Variants in ROR2 observed in about 807,000 individuals in gnomAD.
ROR2 encodes the protein tyrosine-protein kinase transmembrane receptor ROR2.
In ROR2, 33 loss-of-function variants were observed where a neutral mutation model predicts 74.9. The ratio of observed to expected loss-of-function variants is 0.44; its 90% CI spans 0.33 to 0.59. The LOEUF is 0.59. ROR2 is among the 20% of genes least tolerant of loss of function. ROR2 has a pLI of 0.02. For missense variants in ROR2, 1,216 were observed against 1,313.8 expected, an observed-to-expected ratio of 0.93 and a Z score of 1.15; for synonymous variants, 586 against 558.7, an observed-to-expected ratio of 1.05 and a Z score of -0.69.
At chr9:91,920,306 G>C (rs1391932087) in intron 1 of ROR2, among the ~76,000 whole-genome samples, 1 of 152,164 alleles carries the variant, frequency 6.6e-6, no homozygotes, top group African/African-American at 2.4e-5. Context: ...AGGAGTTAAT[G>C]ATCAGCCCTG....
intron 1 of ROR2, among the ~76,000 whole-genome samples, chr9:91,781,059 G>A (rs540758998): frequency 1.3e-5 from 2 of 152,174 alleles, no homozygotes; most frequent in Non-Finnish European, 2.9e-5. Flanking sequence ...TGCTTACTGT[G>A]ATGCAATTAG....
At chr9:91,787,002 C>A (rs779711980) in intron 1 of ROR2, among the ~76,000 whole-genome samples, 2 of 152,126 alleles carry the variant, frequency 1.3e-5, no homozygotes, top group Non-Finnish European at 2.9e-5. Context: ...CTCTGGGTGA[C>A]AATGAGACCC....
chr9:91,811,690 G>T (rs1002663189), intron 1 of ROR2, among the ~76,000 whole-genome samples: 1 of 152,202 alleles, frequency 6.6e-6, no homozygotes, highest in Non-Finnish European at 1.5e-5. Context: ...CGACAGCCAG[G>T]GGCAGCCCCA....
At chr9:91,768,684 C>T (rs943845654) in intron 2 of ROR2, among the ~76,000 whole-genome samples, 9 of 152,322 alleles carry the variant, frequency 5.9e-5, no homozygotes, top group Non-Finnish European at 1.2e-4. Context: ...AGGGAAGGTT[C>T]GGAGGCAGAA....
intron 4 of ROR2, among the ~76,000 whole-genome samples, chr9:91,748,784 G>A (rs1192971913): frequency 6.6e-6 from 1 of 152,218 alleles, no homozygotes; most frequent in Non-Finnish European, 1.5e-5. Flanking sequence ...TGCAATCCCA[G>A]CATTTTGGGA....
chr9:91,799,962 G>A (rs2119050518), intron 1 of ROR2, among the ~76,000 whole-genome samples: 1 of 152,340 alleles, frequency 6.6e-6, no homozygotes, highest in South Asian at 2.1e-4. Context: ...GGAGACACAT[G>A]GGGCAGCACA....
chr9:91,816,212 C>G (rs1827927695), intron 1 of ROR2, among the ~76,000 whole-genome samples: 1 of 152,204 alleles, frequency 6.6e-6, no homozygotes, highest in South Asian at 2.1e-4. Flanking sequence ...CTCGGGCTCA[C>G]TGCTGTGGCC....
chr9:91,755,928 C>G (rs1475756121), intron 4 of ROR2, 143 bp downstream of exon 4: 1 of 805,454 alleles, frequency 1.2e-6, no homozygotes, highest in East Asian at 2.5e-5. Flanking sequence ...CCTAAGCAAG[C>G]ACGTGGCCAC....
rs190673222 is a variant in ROR2, at chr9:91,808,506, C to T, written c.98-32688G>A. Among the ~76,000 whole-genome samples the T allele has an allele frequency of 3.3e-5, 5 of 151,356 alleles. No individual in the cohort carries two copies. In the East Asian group the frequency reaches 7.9e-4, roughly 24 times the overall value. ...TAGCTGGGTGTGGTGGCACATGCCA[C>T]CCAGCTACTGGGGAGGCTGAGGCAG... On this transcript the variant is annotated intron_variant, in intron 1 of 8. Transcript: ENST00000375708.
chr9:91,898,449 A>G (rs1830593136), intron 1 of ROR2, among the ~76,000 whole-genome samples: 1 of 152,178 alleles, frequency 6.6e-6, no homozygotes, highest in South Asian at 2.1e-4. Context: ...ATCTGCCCAA[A>G]AAACACACTG....
intron 1 of ROR2, among the ~76,000 whole-genome samples, chr9:91,922,182 C>A (rs1831286897): frequency 4.6e-5 from 7 of 151,968 alleles, no homozygotes; most frequent in Admixed American, 4.6e-4. Context: ...GAAATTAAAA[C>A]CCTGGAATAC....
In ROR2 at chr9:91,724,610, G is replaced by T; in HGVS notation, c.1884C>A (p.Asn628Lys). The change falls in exon 9 of 9, where the codon AAC becomes AAA. Residue 628 changes from asparagine (N) to lysine (K), a missense_variant. Asn to Lys is a moderately conservative substitution (Grantham distance 94, BLOSUM62 0). Transcript: ENST00000375708. ...TRNVLVYDKL[N>K]VKISDLGLFR... ...AGAGGCCCAAGTCTGAGATCTTCAC[G>T]TTCAGCTTGTCGTACACTAGCACAT... 1 of 1,614,194 alleles carries T rather than the reference G, an allele frequency of 6.2e-7. No individual in the cohort carries two copies.
chr9:91,874,566 A>T (rs991753628), intron 1 of ROR2, among the ~76,000 whole-genome samples: 1 of 152,234 alleles, frequency 6.6e-6, no homozygotes, highest in East Asian at 1.9e-4. Flanking sequence ...ATCTGACCTC[A>T]GCCTGCTTCA....
At chr9:91,838,340 G>C (rs959326372) in intron 1 of ROR2, among the ~76,000 whole-genome samples, 2 of 152,148 alleles carry the variant, frequency 1.3e-5, no homozygotes. Flanking sequence ...TGGGACCAGG[G>C]CCAAGTGCGC....
intron 2 of ROR2, among the ~76,000 whole-genome samples, chr9:91,769,856 G>C (rs920592893): frequency 1.3e-5 from 2 of 152,200 alleles, no homozygotes; most frequent in African/African-American, 4.8e-5. Context: ...GAGGGGCAGA[G>C]ACCACGCCGC....
chr9:91,739,513 T>TAAAAAAA (rs71362359), intron 4 of ROR2, among the ~76,000 whole-genome samples: 4 of 105,604 alleles, frequency 3.8e-5, no homozygotes, highest in Non-Finnish European at 5.7e-5. Flanking sequence ...TCTTTAAATT[T>TAAAAAAA]AAAAAAAAAA....
At chr9:91,744,902 G>A (rs1825359922) in intron 4 of ROR2, among the ~76,000 whole-genome samples, 1 of 152,150 alleles carries the variant, frequency 6.6e-6, no homozygotes. Context: ...TTGGAAGGTT[G>A]CTGTATCCTT....
chr9:91,834,139 C>A (rs1368608380), intron 1 of ROR2, among the ~76,000 whole-genome samples: 1 of 152,196 alleles, frequency 6.6e-6, no homozygotes, highest in African/African-American at 2.4e-5. Flanking sequence ...GTCAGTAAAT[C>A]TATCTTGTTA....
chr9:91,909,842 G>GTTTTTTTTCTTTTTTTTTTTTTTTTTT (rs1232142986), intron 1 of ROR2, among the ~76,000 whole-genome samples: 1 of 55,978 alleles, frequency 1.8e-5, no homozygotes, highest in Non-Finnish European at 3.2e-5. Context: ...TTTTAGGTTT[G>GTTTTTTTTCTTTTTTTTTTTTTTTTTT]TTTTGTTTTT....
Sources: allele counts gnomAD v4.1 joint callset (sites outside exome capture counted in the v4.1 genomes callset), GRCh38; gene constraint gnomAD v4.1.1; transcripts MANE v1.5; gene names NCBI Gene and HGNC (gene_info 2026-07-23, HGNC 2026-07-21).